IL19: variants seen among roughly 807,000 people sequenced by gnomAD.
IL19 encodes interleukin 19, also known as interleukin-19.
In IL19, 15 loss-of-function variants were observed where a neutral mutation model predicts 19.5. The observed-to-expected ratio is 0.77, with a 90% CI of 0.52 to 1.19. The LOEUF (loss-of-function observed/expected upper bound fraction) is 1.19. Among genes scored for constraint, IL19 ranks in the 50% most tolerant of loss-of-function variants. IL19 has a pLI of 0.00. For synonymous variants in IL19, 78 were observed against 78.3 expected, an observed-to-expected ratio of 1.00 and a Z score of 0.02; for missense variants, 199 against 213.1, an observed-to-expected ratio of 0.93 and a Z score of 0.41.
At chr1:206,792,204 T>C (rs1252655846) in intron 1 of IL19, among the ~76,000 whole-genome samples, 1 of 152,206 alleles carries the variant, frequency 6.6e-6, no homozygotes, top group Non-Finnish European at 1.5e-5. Context: ...GCAAACCAAC[T>C]GCCCACCCAC....
intron 1 of IL19, among the ~76,000 whole-genome samples, chr1:206,793,864 G>T (rs1675461168): frequency 6.6e-6 from 1 of 152,232 alleles, no homozygotes; most frequent in Non-Finnish European, 1.5e-5. Flanking sequence ...GAAGGGCTAG[G>T]GAGGAGTGTG....
At chr1:206,774,478 T>C (rs1234965035) in intron 1 of IL19, among the ~76,000 whole-genome samples, 2 of 152,176 alleles carry the variant, frequency 1.3e-5, no homozygotes, top group African/African-American at 2.4e-5. Flanking sequence ...GTGTCTGTGT[T>C]AGCCTGCAGG....
rs1675015410 is a variant in IL19 at position 206,776,910 on chromosome 1, A to AC, written c.-149+5832_-149+5833insC. ...TCACTGTATTAAATCTTGCAACTAC[A>AC]AAAAAAAAAAAAAAAAAAAAAAAAA... On this transcript the variant is annotated intron_variant, in intron 1 of 6. Transcript: ENST00000659997. Among the ~76,000 whole-genome samples the AC allele has an allele frequency of 1.6e-4, 7 of 44,946 alleles. No individual in the cohort carries two copies. In the South Asian group the frequency reaches 3.0e-3, roughly 20 times the overall value. 29.5% of individuals were successfully genotyped at this position (44,946 alleles called of 152,430 possible).
chr1:206,788,827 C>G lies in IL19; in HGVS notation c.-148-10034C>G, dbSNP rs116500602. Among the ~76,000 whole-genome samples, 451 of 152,326 alleles carry G rather than the reference C, an allele frequency of 3.0e-3. 3 individuals carry two copies. Among genetic ancestry groups the G allele is most frequent in the African/African-American group, 0.01 (436 of 41,564 alleles). ...TTGATTCCATAGCGGTTTCTCTTAG[C>G]ACAGATTCCAGAAAGTTGAGGATGA... On this transcript the variant is annotated intron_variant, in intron 1 of 6. Transcript: ENST00000659997.
Position 206,771,339 on chromosome 1 carries a change from C to T in IL19, c.-149+261C>T, listed in dbSNP as rs1674832645. The T allele has an allele frequency of 3.7e-6, 6 of 1,610,786 alleles. No individual in the cohort carries two copies. The highest frequency in any genetic ancestry group is 5.1e-6 in the Non-Finnish European group (6 of 1,177,394). On this transcript the variant is annotated intron_variant, in intron 1 of 6. Coordinates refer to ENST00000659997, the MANE Select transcript of IL19 (RefSeq NM_153758.5). ...ATCATGCTGCACACTCCCCCAGCAC[C>T]CCGCCCCTGCTCTCACCTTAAAGTC...
Position 206,808,500 on chromosome 1 carries a change from C to CGTGT in IL19, c.-3+9516_-3+9519dup, listed in dbSNP as rs36044951. Among the ~76,000 whole-genome samples the CGTGT allele has an allele frequency of 5.7e-3, 852 of 148,694 alleles. 6 individuals are homozygous for CGTGT. Among genetic ancestry groups the CGTGT allele is most frequent in the Admixed American group, 0.011 (160 of 14,974 alleles). The stretch of plus-strand genomic sequence containing the variant: ...AGGTATGAAGGGAATTGTGTGTGTG[C>CGTGT]GTGTGTGTGTGTGTGTGTGTGTGTG... On this transcript the variant is annotated intron_variant, in intron 2 of 6. Coordinates refer to ENST00000659997, the MANE Select transcript of IL19 (RefSeq NM_153758.5).
chr1:206,790,221 A>G (rs1675364125), intron 1 of IL19, among the ~76,000 whole-genome samples: 2 of 152,130 alleles, frequency 1.3e-5, no homozygotes, highest in Non-Finnish European at 2.9e-5. Flanking sequence ...CTTTTTAATA[A>G]TGGCCTTTCT....
At chr1:206,839,456 T>C (rs988646226) in intron 4 of IL19, among the ~76,000 whole-genome samples, 1 of 152,086 alleles carries the variant, frequency 6.6e-6, no homozygotes, top group African/African-American at 2.4e-5. Flanking sequence ...GCCCCTGTAG[T>C]GTAGGGAAGT....
At chr1:206,772,589 T>A in intron 1 of IL19, 1 of 710,666 alleles carries the variant, frequency 1.4e-6, no homozygotes, top group Non-Finnish European at 2.4e-6. Context: ...CGGCACAGGA[T>A]TTTTTCTGCT....
chr1:206,777,761 G>C (rs1675045219), intron 1 of IL19, among the ~76,000 whole-genome samples: 1 of 152,246 alleles, frequency 6.6e-6, no homozygotes. Flanking sequence ...TTTGCCATTA[G>C]TAGTTATTTT....
At chr1:206,816,145 G>GA (rs1376863311) in intron 2 of IL19, among the ~76,000 whole-genome samples, 2 of 152,190 alleles carry the variant, frequency 1.3e-5, no homozygotes, top group East Asian at 1.9e-4. Flanking sequence ...TATAAAAGTT[G>GA]AAAAAATGCA....
intron 1 of IL19, chr1:206,771,299 G>A (rs1572539273): frequency 1.4e-6 from 2 of 1,473,352 alleles, no homozygotes; most frequent in East Asian, 2.3e-5. Flanking sequence ...AGGAAGCAGA[G>A]TCTCCCTTCC....
At chr1:206,823,140 G>T (rs1477144685) in intron 2 of IL19, among the ~76,000 whole-genome samples, 1 of 151,954 alleles carries the variant, frequency 6.6e-6, no homozygotes, top group Admixed American at 6.5e-5. Context: ...ATGTTGGCCA[G>T]GCTGGTCTCA....
chr1:206,810,007 C>T (rs1675959391), intron 2 of IL19, among the ~76,000 whole-genome samples: 1 of 152,238 alleles, frequency 6.6e-6, no homozygotes, highest in African/African-American at 2.4e-5. Context: ...CCCAACCTCT[C>T]TTTATTGCCA....
chr1:206,787,712 C>T (rs1161952756), intron 1 of IL19, among the ~76,000 whole-genome samples: 1 of 152,208 alleles, frequency 6.6e-6, no homozygotes, highest in African/African-American at 2.4e-5. Flanking sequence ...GGTTGAAATA[C>T]TTTAAAGCCA....
At chr1:206,797,750 G>A (rs868243388) in intron 1 of IL19, among the ~76,000 whole-genome samples, 3 of 152,200 alleles carry the variant, frequency 2.0e-5, no homozygotes, top group South Asian at 2.1e-4. Context: ...TGTCCCCACA[G>A]GGATCAGGAC....
chr1:206,842,592 TA>T lies in IL19; in HGVS notation c.506del (p.Lys169ArgfsTer5). On this transcript the variant is annotated frameshift_variant, in exon 7 of 7. Coordinates refer to ENST00000659997, the MANE Select transcript of IL19 (RefSeq NM_153758.5). LOFTEE classifies it high-confidence loss of function. ...ELDVFLAWIN[K>X]NHEVMFSA ...TCGACGTCTTTCTAGCCTGGATTAATAAGAATCATGAAGTAATGTTCTCAGC... is the reference window on the plus strand; with the variant it reads ...TCGACGTCTTTCTAGCCTGGATTAATAGAATCATGAAGTAATGTTCTCAGC... The T allele has an allele frequency of 6.4e-7, 1 of 1,574,000 alleles. No individual in the cohort carries two copies. Among genetic ancestry groups the T allele is most frequent in the Non-Finnish European group, 8.6e-7 (1 of 1,157,208 alleles).
At chr1:206,809,015 G>A (rs1386760792) in intron 2 of IL19, among the ~76,000 whole-genome samples, 1 of 152,188 alleles carries the variant, frequency 6.6e-6, no homozygotes, top group African/African-American at 2.4e-5. Flanking sequence ...GAACTCAAAA[G>A]CAGGTCTTGT....
At chr1:206,791,929 A>ATG (rs55855361) in intron 1 of IL19, among the ~76,000 whole-genome samples, 11,424 of 151,466 alleles carry the variant, frequency 0.075, 473 homozygotes, top group Middle Eastern at 0.095. Context: ...GGTCCTGTGC[A>ATG]TGTGTGTGTG....
Sources: gnomAD v4.1 joint callset for allele counts (sites outside exome capture counted in the v4.1 genomes callset) on GRCh38, gnomAD v4.1.1 for gene constraint, MANE v1.5 for transcripts, NCBI Gene and HGNC (gene_info 2026-07-23, HGNC 2026-07-21) for gene names.